ADAMTS18: variants seen among roughly 807,000 people sequenced by gnomAD.
ADAMTS18 encodes ADAM metallopeptidase with thrombospondin type 1 motif 18, also known as A disintegrin and metalloproteinase with thrombospondin motifs 18.
ADAMTS18 carries 157 observed loss-of-function variants against 165.9 expected under a neutral mutation model. The observed-to-expected ratio is 0.95, with a 90% CI of 0.83 to 1.08. The LOEUF is 1.08. ADAMTS18 is among the 50% of genes least tolerant of loss of function. The pLI is 0.00. For missense variants in ADAMTS18, 2,040 were observed against 1,534.0 expected (o/e 1.33, Z -5.51); for synonymous variants, 782 against 578.2 (o/e 1.35, Z -5.06).
chr16:77,385,812 T>C, intron 3 of ADAMTS18, among the ~76,000 whole-genome samples: 1 of 152,112 alleles, frequency 6.6e-6, no homozygotes, highest in East Asian at 1.9e-4. Flanking sequence ...TGGTCCCAAT[T>C]TTTTCTCAGT....
chr16:77,381,126 G>T lies in ADAMTS18; in HGVS notation c.496-13403C>A, dbSNP rs540784842. On this transcript the variant is annotated intron_variant, in intron 3 of 22. Transcript: ENST00000282849. ...TGGGCTCAGGTAATCCGCCTGCCTT[G>T]GCCTCCAACAGAGCTGGGATTAGAG... 1.3e-5 allele frequency among the ~76,000 whole-genome samples: 2 copies of T among 152,136 alleles called. 1 individual carries two copies. The highest frequency in any genetic ancestry group is 4.2e-4 in the South Asian group (2 of 4,812).
rs766230868 is a variant in ADAMTS18, at chr16:77,289,325, A to G, written c.3489T>C (p.His1163=). The G allele has an allele frequency of 6.2e-7, 1 of 1,613,990 alleles. No individual in the cohort carries two copies. The highest frequency in any genetic ancestry group is 8.5e-7 in the Non-Finnish European group (1 of 1,180,012). ...AGGCTCGTAGCACCGGAGGTTTCTG[A>G]TGGAGCAGACAACTTGAGGAAGGCC... The part of the protein sequence containing the change: ...QGRPSSSCLL[H]QKPPVLRACN... Residue 1163 remains histidine (H), a synonymous_variant, in exon 22 of 23, where the codon CAT becomes CAC. Coordinates refer to ENST00000282849, the MANE Select transcript of ADAMTS18 (RefSeq NM_199355.4).
chr16:77,329,992 G>C (rs970064829), intron 12 of ADAMTS18, among the ~76,000 whole-genome samples: 2 of 152,074 alleles, frequency 1.3e-5, no homozygotes, highest in African/African-American at 2.4e-5. Context: ...GAATCACTTG[G>C]AGAGCTCTGT....
intron 7 of ADAMTS18, among the ~76,000 whole-genome samples, chr16:77,360,712 T>C (rs1041920555): frequency 2.0e-5 from 3 of 152,214 alleles, no homozygotes; most frequent in African/African-American, 7.2e-5. Context: ...TTTTGAAGAC[T>C]GTGATTAATG....
chr16:77,352,869 G>C (rs551747847), intron 10 of ADAMTS18, among the ~76,000 whole-genome samples: 2 of 152,208 alleles, frequency 1.3e-5, no homozygotes, highest in East Asian at 3.9e-4. Flanking sequence ...CCAGCACTTG[G>C]GAGGCCGAGG....
At chr16:77,415,278 C>G (rs1679698698) in intron 3 of ADAMTS18, among the ~76,000 whole-genome samples, 1 of 152,190 alleles carries the variant, frequency 6.6e-6, no homozygotes, top group South Asian at 2.1e-4. Context: ...CGGAAAGTGT[C>G]TATAACTCAT....
chr16:77,319,645 G>A (rs972140643), intron 16 of ADAMTS18, among the ~76,000 whole-genome samples: 2 of 152,112 alleles, frequency 1.3e-5, no homozygotes, highest in South Asian at 2.1e-4. Context: ...TTTTCACCAC[G>A]TTGGCTAGGG....
rs190558848 is a variant in ADAMTS18, at chr16:77,434,960, G to A, written c.-265C>T. 1.4e-3 allele frequency: 474 copies of A among 333,482 alleles called. 5 individuals carry two copies. The highest frequency in any genetic ancestry group is 9.8e-3 in the African/African-American group (451 of 46,148). The allele number at this position is 333,482 out of a possible 1,614,324, so 20.7% of individuals were successfully genotyped here. ...ACGGGGGGCTCCCTGGGCCGGGACTGGAGCGCAAACGGTTGGGAGACTGTC... is the reference window on the plus strand; with the variant it reads ...ACGGGGGGCTCCCTGGGCCGGGACTAGAGCGCAAACGGTTGGGAGACTGTC... On this transcript the variant is annotated 5_prime_UTR_variant, in exon 1 of 23. Transcript: ENST00000282849.
At chr16:77,338,725 G>A (rs547469018) in intron 11 of ADAMTS18, among the ~76,000 whole-genome samples, 9 of 151,738 alleles carry the variant, frequency 5.9e-5, no homozygotes, top group Admixed American at 2.6e-4. Context: ...AGGCCAAGGC[G>A]GATGGATCAC....
intron 3 of ADAMTS18, among the ~76,000 whole-genome samples, chr16:77,429,537 A>C (rs969314246): frequency 1.3e-5 from 2 of 152,226 alleles, no homozygotes; most frequent in African/African-American, 4.8e-5. Context: ...CCCTTGTGAC[A>C]TGAGTTCACC....
chr16:77,366,415 T>G (rs8050424), intron 4 of ADAMTS18, among the ~76,000 whole-genome samples: 70,356 of 151,968 alleles, frequency 0.46, 18,241 homozygotes, highest in East Asian at 0.84. Flanking sequence ...AAAATTAGCT[T>G]GGCGTGCTGG....
chr16:77,291,927 C>T (rs916053339), intron 20 of ADAMTS18, among the ~76,000 whole-genome samples: 2 of 152,224 alleles, frequency 1.3e-5, no homozygotes, highest in Non-Finnish European at 2.9e-5. Flanking sequence ...AACCACTGTA[C>T]AGCAAATAAT....
intron 17 of ADAMTS18, among the ~76,000 whole-genome samples, chr16:77,298,786 T>C (rs2055524842): frequency 6.6e-6 from 1 of 152,088 alleles, no homozygotes; most frequent in Non-Finnish European, 1.5e-5. Context: ...AGTGAGATCC[T>C]ATCTCAAGAA....
chr16:77,308,608 T>C (rs936357740), intron 16 of ADAMTS18, among the ~76,000 whole-genome samples: 10 of 151,224 alleles, frequency 6.6e-5, no homozygotes, highest in African/African-American at 2.4e-4. Flanking sequence ...TGTGTACATT[T>C]TAATCCTTAT....
intron 3 of ADAMTS18, among the ~76,000 whole-genome samples, chr16:77,408,038 T>G (rs1166390529): frequency 6.6e-6 from 1 of 151,968 alleles, no homozygotes; most frequent in Non-Finnish European, 1.5e-5. Context: ...AAAAATCTAA[T>G]AGAAAAATGG....
intron 3 of ADAMTS18, among the ~76,000 whole-genome samples, chr16:77,390,029 C>T (rs1597213529): frequency 6.6e-6 from 1 of 152,274 alleles, no homozygotes; most frequent in Non-Finnish European, 1.5e-5. Flanking sequence ...CTACTATGCT[C>T]ATTAATGCTA....
At chr16:77,424,817 C>T (rs765102587) in intron 3 of ADAMTS18, among the ~76,000 whole-genome samples, 55 of 152,350 alleles carry the variant, frequency 3.6e-4, no homozygotes, top group Non-Finnish European at 5.7e-4. Flanking sequence ...TAATCCTTAA[C>T]TTCACATGAT....
At chr16:77,410,292 G>GAAAAAAAA (rs11376240) in intron 3 of ADAMTS18, among the ~76,000 whole-genome samples, 1 of 141,276 alleles carries the variant, frequency 7.1e-6, no homozygotes. Flanking sequence ...ACCCAAATTT[G>GAAAAAAAA]AAAAAAAAAA....
At chr16:77,305,479 A>G (rs1277785241) in intron 16 of ADAMTS18, among the ~76,000 whole-genome samples, 5 of 152,200 alleles carry the variant, frequency 3.3e-5, no homozygotes, top group African/African-American at 1.2e-4. Flanking sequence ...GAATTTCAAG[A>G]CAGTGACAGT....
Sources: gnomAD v4.1 joint callset for allele counts (sites outside exome capture counted in the v4.1 genomes callset) on GRCh38, gnomAD v4.1.1 for gene constraint, MANE v1.5 for transcripts, NCBI Gene and HGNC (gene_info 2026-07-23, HGNC 2026-07-21) for gene names.